Variants in RDX observed in about 807,000 individuals in gnomAD.
RDX encodes radixin.
Under a neutral mutation model 83.7 loss-of-function variants are expected in RDX, and 32 were observed. The ratio of observed to expected loss-of-function variants is 0.38; its 90% confidence interval spans 0.29 to 0.51. The LOEUF is 0.51. Ranked by LOEUF, RDX falls within the 20% of genes least tolerant of loss-of-function variation. The pLI, the probability that RDX is intolerant of heterozygous loss-of-function variation, is 0.87. For missense variants in RDX, 600 were observed against 689.9 expected, an observed-to-expected ratio of 0.87 and a Z score of 1.46; for synonymous variants, 229 against 222.7, an observed-to-expected ratio of 1.03 and a Z score of -0.25.
intron 10 of RDX, among the ~76,000 whole-genome samples, chr11:110,242,669 T>A (rs1194632982): frequency 6.6e-6 from 1 of 152,154 alleles, no homozygotes; most frequent in African/African-American, 2.4e-5. Flanking sequence ...ATATTAAGAA[T>A]TGTATAAAAG....
At chr11:110,271,329 T>C (rs1490872748) in intron 3 of RDX, among the ~76,000 whole-genome samples, 2 of 152,192 alleles carry the variant, frequency 1.3e-5, no homozygotes, top group Non-Finnish European at 2.9e-5. Flanking sequence ...ACTCTTTCCT[T>C]CTTTAAGATC....
At position 110,279,647 on chromosome 11, in the gene RDX, T is replaced by C. The variant is rs376267735; in HGVS notation, c.12+34A>G. On this transcript the variant is annotated intron_variant, in intron 2 of 13. Transcript: ENST00000645495. ...AACGAATTTAATGATATCTTATTAT[T>C]GAGACACTGTCAAATGTAATAAAAT... 16 of 1,379,934 alleles carry C rather than the reference T, an allele frequency of 1.2e-5. No homozygotes were observed. The African/African-American group carries it at 2.1e-4, about 18-fold the overall frequency. The allele number at this position is 1,379,934 out of a possible 1,614,324, so 85.5% of individuals were successfully genotyped here. A position where few individuals can be genotyped will look rare whatever the true frequency, so the allele number is the denominator to read the frequency against.
At chr11:110,258,231 G>C (rs776011928) in intron 5 of RDX, 42 bp from the exon 6 acceptor site, 1 of 1,308,676 alleles carries the variant, frequency 7.6e-7, no homozygotes, top group African/African-American at 1.5e-5. Context: ...ATGACTTTAA[G>C]ATTCAAAAGC....
At chr11:110,255,124 A>G (rs1859486699) in intron 8 of RDX, among the ~76,000 whole-genome samples, 165 bp downstream of exon 8, 1 of 152,162 alleles carries the variant, frequency 6.6e-6, no homozygotes, top group Admixed American at 6.6e-5. Context: ...AAATCTTTGG[A>G]TTTTTATTAA....
Position 110,272,556 on chromosome 11 carries a change from C to G in RDX, c.76G>C (p.Gly26Arg). Reference protein sequence around the residue: ...LEFAIQPNTTGKQLFDQVVKT... With the variant: ...LEFAIQPNTTRKQLFDQVVKT... ...AATACCTGGTCAAAAAGTTGTTTGCCAGTTGTATTGGGCTGAATGGCAAAT... is the reference window on the plus strand; with the variant it reads ...AATACCTGGTCAAAAAGTTGTTTGCGAGTTGTATTGGGCTGAATGGCAAAT... The change falls in exon 3 of 14, where the codon GGC becomes CGC. Residue 26 changes from glycine (G) to arginine (R), a missense_variant. Transcript: ENST00000645495. 1 of 1,611,752 alleles carries G rather than the reference C, an allele frequency of 6.2e-7. No homozygotes were observed. The highest frequency in any genetic ancestry group is 1.3e-5 in the African/African-American group (1 of 74,984).
chr11:110,292,616 C>G (rs1310202900), intron 1 of RDX, among the ~76,000 whole-genome samples: 2 of 151,790 alleles, frequency 1.3e-5, no homozygotes, highest in Non-Finnish European at 2.9e-5. Context: ...TACCTGCAGT[C>G]AGTCCTAGTT....
chr11:110,274,515 CT>C (rs896820245), intron 2 of RDX, among the ~76,000 whole-genome samples: 1 of 151,988 alleles, frequency 6.6e-6, no homozygotes, highest in African/African-American at 2.4e-5. Context: ...CAACTACACA[CT>C]TTTTTTTCCC....
chr11:110,208,047 C>T (rs1863671467), intron 14 of RDX, among the ~76,000 whole-genome samples: 1 of 151,050 alleles, frequency 6.6e-6, no homozygotes, highest in Admixed American at 6.6e-5. Flanking sequence ...TCTCAAACTC[C>T]TGGGCTCAGG....
At chr11:110,249,228 G>A (rs1365130578) in intron 9 of RDX, among the ~76,000 whole-genome samples, 1 of 152,108 alleles carries the variant, frequency 6.6e-6, no homozygotes, top group East Asian at 1.9e-4. Flanking sequence ...TTTCATCTCT[G>A]AAATTTATCT....
chr11:110,230,794 TTTC>T lies in RDX; in HGVS notation c.*1072_*1074del, dbSNP rs1222419681. On this transcript the variant is annotated 3_prime_UTR_variant, in exon 14 of 14. Coordinates refer to ENST00000645495, the MANE Select transcript of RDX (RefSeq NM_002906.4). ...GAAGGAAAATGAAATTTCGAAAGTATTTCTTGATGATCGAGGCTATGGTTATGA... is the reference window on the plus strand; with the variant it reads ...GAAGGAAAATGAAATTTCGAAAGTATTTGATGATCGAGGCTATGGTTATGA... 6.6e-6 allele frequency: 1 copy of T among 152,606 alleles called. No homozygotes were observed. Among genetic ancestry groups the T allele is most frequent in the Non-Finnish European group, 1.5e-5 (1 of 68,026 alleles). 9.5% of individuals were successfully genotyped at this position (152,606 alleles called of 1,614,324 possible).
intron 1 of RDX, among the ~76,000 whole-genome samples, chr11:110,288,745 A>T (rs751382355): frequency 5.9e-5 from 9 of 152,208 alleles, no homozygotes; most frequent in Non-Finnish European, 1.2e-4. Flanking sequence ...AAAAACTGAT[A>T]CAATGCCTGG....
chr11:110,256,829 A>C (rs1046145845), intron 7 of RDX, among the ~76,000 whole-genome samples: 7 of 152,240 alleles, frequency 4.6e-5, no homozygotes, highest in Non-Finnish European at 8.8e-5. Context: ...AAACATGAGA[A>C]GATATTAGGG....
chr11:110,255,634 T>C (rs140512520), intron 7 of RDX, among the ~76,000 whole-genome samples: 40 of 152,310 alleles, frequency 2.6e-4, no homozygotes, highest in African/African-American at 8.9e-4. Context: ...CCTAAAATTA[T>C]CTAAAAAAAC....
In RDX at chr11:110,231,688, A is replaced by G; in HGVS notation, c.*181T>C. The G allele has an allele frequency of 1.5e-6, 1 of 668,242 alleles. No homozygotes were observed. The highest frequency in any genetic ancestry group is 1.7e-5 in the South Asian group (1 of 57,580). 41.4% of individuals were successfully genotyped at this position (668,242 alleles called of 1,614,324 possible). A position where few individuals can be genotyped will look rare whatever the true frequency, so the allele number is the denominator to read the frequency against. On this transcript the variant is annotated 3_prime_UTR_variant, in exon 14 of 14. Transcript: ENST00000645495. ...TGGACCAAAAGAAAAAAGAAAACCA[A>G]GCATGATATCATACTGCCTTAATGT...
At chr11:110,249,587 C>T (rs903782031) in intron 9 of RDX, among the ~76,000 whole-genome samples, 1 of 152,136 alleles carries the variant, frequency 6.6e-6, no homozygotes, top group Non-Finnish European at 1.5e-5. Context: ...AATCCTTCCA[C>T]CATTTAATAA....
In RDX at chr11:110,237,543, C is replaced by T. The variant is rs1481078293; in HGVS notation, c.1200G>A (p.Lys400=). The T allele has an allele frequency of 2.2e-5, 35 of 1,613,502 alleles. No individual in the cohort carries two copies. Among genetic ancestry groups the T allele is most frequent in the Non-Finnish European group, 2.9e-5 (34 of 1,180,022 alleles). The change falls in exon 11 of 14, where the codon AAG becomes AAA. Residue 400 remains lysine (K), a synonymous_variant. Transcript: ENST00000645495. The part of the protein sequence containing the change: ...EKERRAAEEA[K]SAIAKQAADQ... ...CGGCAGCTTGTTTTGCTATGGCAGA[C>T]TTTGCCTCTTCAGCAGCTCGACGCT...
At chr11:110,206,541 A>T (rs1470163440) in intron 14 of RDX, among the ~76,000 whole-genome samples, 2 of 152,184 alleles carry the variant, frequency 1.3e-5, no homozygotes, top group African/African-American at 4.8e-5. Context: ...GGATGACGTG[A>T]TGGAGAGGAA....
rs746106338 is a variant in RDX at position 110,237,694 on chromosome 11, A to G, written c.1091-42T>C. The stretch of plus-strand genomic sequence containing the variant: ...TTCCCCCCAACAGTGATTAATTCCA[A>G]TCATTCTCATTATCAAAAGAAGCTA... On this transcript the variant is annotated intron_variant, in intron 10 of 13. Transcript: ENST00000645495. 10 of 1,597,966 alleles carry G rather than the reference A, an allele frequency of 6.3e-6. No individual in the cohort carries two copies. The African/African-American group carries it at 8.0e-5, about 13-fold the overall frequency.
chr11:110,245,283 A>T (rs1408821291), intron 10 of RDX, among the ~76,000 whole-genome samples: 2 of 152,090 alleles, frequency 1.3e-5, no homozygotes, highest in Non-Finnish European at 2.9e-5. Flanking sequence ...ATAAAACTAT[A>T]AGGCTGGGTG....
Sources: gnomAD v4.1 joint callset for allele counts (sites outside exome capture counted in the v4.1 genomes callset) on GRCh38, gnomAD v4.1.1 for gene constraint, MANE v1.5 for transcripts, NCBI Gene and HGNC (gene_info 2026-07-23, HGNC 2026-07-21) for gene names.